Variants in NAALADL2 observed in about 807,000 individuals in gnomAD.
The protein encoded by NAALADL2 is inactive N-acetylated-alpha-linked acidic dipeptidase-like protein 2.
In NAALADL2, 76 loss-of-function variants were observed where a neutral mutation model predicts 87.2. The ratio of observed to expected loss-of-function variants is 0.87; its 90% CI spans 0.72 to 1.05. NAALADL2 has a LOEUF of 1.05. Among genes scored for constraint, NAALADL2 ranks in the 50% least tolerant of loss-of-function variants. The pLI, the probability that NAALADL2 is intolerant of heterozygous loss-of-function variation, is 0.00. For missense variants in NAALADL2, 1,089 were observed against 945.8 expected, an observed-to-expected ratio of 1.15 and a Z score of -1.99; for synonymous variants, 354 against 331.0, an observed-to-expected ratio of 1.07 and a Z score of -0.75.
At chr3:175,308,501 G>A (rs754665258) in intron 4 of NAALADL2, among the ~76,000 whole-genome samples, 2 of 152,140 alleles carry the variant, frequency 1.3e-5, no homozygotes, top group African/African-American at 2.4e-5. Flanking sequence ...AATAATACTC[G>A]GAACTAGAAA....
At chr3:175,310,997 T>C (rs1581365052) in intron 4 of NAALADL2, among the ~76,000 whole-genome samples, 1 of 151,722 alleles carries the variant, frequency 6.6e-6, no homozygotes, top group Admixed American at 6.6e-5. Context: ...TTTGTATGTT[T>C]CCCCCGCAAT....
Position 175,149,150 on chromosome 3 carries a change from T to C in NAALADL2, c.545+51859T>C, listed in dbSNP as rs368669486. Among the ~76,000 whole-genome samples the C allele has an allele frequency of 6.8e-4, 104 of 152,310 alleles. 1 individual carries two copies. The highest frequency in any genetic ancestry group is 8.4e-4 in the African/African-American group (35 of 41,582). Reference sequence around the variant, plus strand: ...TTTCAGCAGTGTTTTGTAGTTCTCATTGCAGACATATTTCACCTCCTTGGT... The same window carrying C: ...TTTCAGCAGTGTTTTGTAGTTCTCACTGCAGACATATTTCACCTCCTTGGT... On this transcript the variant is annotated intron_variant, in intron 2 of 13. Coordinates refer to ENST00000454872, the MANE Select transcript of NAALADL2 (RefSeq NM_207015.3).
At chr3:175,504,267 T>G (rs1729958417) in intron 9 of NAALADL2, among the ~76,000 whole-genome samples, 1 of 152,192 alleles carries the variant, frequency 6.6e-6, no homozygotes. Flanking sequence ...AGAGGGCACT[T>G]CAGAGTTGAT....
upstream of NAALADL2, among the ~76,000 whole-genome samples, chr3:174,854,835 C>CTTTTTTTTTTTT (rs68116968): frequency 3.6e-5 from 4 of 111,992 alleles, no homozygotes; most frequent in Non-Finnish European, 5.2e-5. Context: ...GCTTTTTTTT[C>CTTTTTTTTTTTT]TTTTTTTTTT....
At chr3:175,178,144 T>C (rs1017760799) in intron 2 of NAALADL2, among the ~76,000 whole-genome samples, 3 of 152,044 alleles carry the variant, frequency 2.0e-5, no homozygotes, top group South Asian at 4.1e-4. Context: ...TATGTCATAA[T>C]GGGTTATTAG....
intron 2 of NAALADL2, among the ~76,000 whole-genome samples, chr3:175,191,759 G>T (rs1444299649): frequency 1.3e-5 from 2 of 152,124 alleles, no homozygotes; most frequent in Non-Finnish European, 2.9e-5. Flanking sequence ...AACGTTTTGT[G>T]TAACAAATAT....
At chr3:174,660,643 T>C (rs1725417352) in intron 2 of NAALADL2, among the ~76,000 whole-genome samples, 1 of 151,148 alleles carries the variant, frequency 6.6e-6, no homozygotes, top group Non-Finnish European at 1.5e-5. Context: ...ATTGGACTTA[T>C]TCTTTATGCC....
chr3:175,590,211 AATATAT>A (rs66991809), intron 10 of NAALADL2, among the ~76,000 whole-genome samples: 18 of 5,922 alleles, frequency 3.0e-3, no homozygotes, highest in Admixed American at 7.1e-3. Context: ...GACTCCGTCT[AATATAT>A]ATATATATAT....
At chr3:175,073,984 A>T (rs1188448383) in intron 1 of NAALADL2, among the ~76,000 whole-genome samples, 1 of 152,030 alleles carries the variant, frequency 6.6e-6, no homozygotes, top group Non-Finnish European at 1.5e-5. Flanking sequence ...CACACTGTAT[A>T]CATGAAACTT....
rs1725475502 is a variant in NAALADL2 at position 175,617,266 on chromosome 3, G to A, written c.1801-10025G>A. 2.6e-5 allele frequency among the ~76,000 whole-genome samples: 4 copies of A among 152,120 alleles called. No individual in the cohort carries two copies. In the South Asian group the frequency reaches 8.3e-4, roughly 31 times the overall value. On this transcript the variant is annotated intron_variant, in intron 10 of 13. Transcript: ENST00000454872. ...GGAGGAAGTCCACCTTCCTTCCTTC[G>A]ACCTCCAGAATCACCTGGGACTCCT...
intron 2 of NAALADL2, among the ~76,000 whole-genome samples, chr3:174,679,075 T>G (rs954809600): frequency 5.3e-5 from 8 of 152,198 alleles, no homozygotes; most frequent in Non-Finnish European, 1.2e-4. Context: ...CCCAAACCTT[T>G]GCACTGGTAT....
At chr3:174,608,624 A>G (rs1053659578) in intron 2 of NAALADL2, among the ~76,000 whole-genome samples, 4 of 152,292 alleles carry the variant, frequency 2.6e-5, no homozygotes, top group Admixed American at 2.6e-4. Flanking sequence ...AAGAAGTTGA[A>G]TCCCTGAATA....
chr3:174,893,316 C>T (rs968500636), intron 1 of NAALADL2, among the ~76,000 whole-genome samples: 3 of 142,908 alleles, frequency 2.1e-5, no homozygotes, highest in Non-Finnish European at 4.6e-5. Context: ...TTCAACCCCC[C>T]CCCGCAAAAA....
chr3:175,049,759 A>G (rs556719464), intron 1 of NAALADL2, among the ~76,000 whole-genome samples: 2 of 152,318 alleles, frequency 1.3e-5, no homozygotes, highest in East Asian at 1.9e-4. Flanking sequence ...CATAGCTGCA[A>G]GAGAGTCAGA....
intron 10 of NAALADL2, among the ~76,000 whole-genome samples, chr3:175,617,377 G>C (rs1479751960): frequency 6.6e-6 from 1 of 152,120 alleles, no homozygotes; most frequent in Non-Finnish European, 1.5e-5. Flanking sequence ...TGAAAGACTG[G>C]CTCTGGACCC....
chr3:175,016,586 G>C (rs1461994106), intron 1 of NAALADL2, among the ~76,000 whole-genome samples: 3 of 151,422 alleles, frequency 2.0e-5, no homozygotes, highest in African/African-American at 7.3e-5. Context: ...TTTAATTTGT[G>C]TATATACATA....
chr3:174,807,177 C>T (rs548584854), intron 3 of NAALADL2, among the ~76,000 whole-genome samples: 5 of 152,174 alleles, frequency 3.3e-5, no homozygotes, highest in African/African-American at 1.2e-4. Context: ...AATTGAATAA[C>T]AGTCTCTTAC....
At chr3:175,043,010 C>T (rs1420483850) in intron 1 of NAALADL2, among the ~76,000 whole-genome samples, 1 of 152,114 alleles carries the variant, frequency 6.6e-6, no homozygotes, top group Non-Finnish European at 1.5e-5. Context: ...CACTGGCTAT[C>T]CCTTTGCCTT....
chr3:174,454,079 C>T (rs1261989369), intron 1 of NAALADL2, among the ~76,000 whole-genome samples: 1 of 151,990 alleles, frequency 6.6e-6, no homozygotes, highest in Non-Finnish European at 1.5e-5. Context: ...AAATGAAAAC[C>T]AGAAAGGAGA....
Sources: gnomAD v4.1 joint callset for allele counts (sites outside exome capture counted in the v4.1 genomes callset) on GRCh38, gnomAD v4.1.1 for gene constraint, MANE v1.5 for transcripts, NCBI Gene and HGNC (gene_info 2026-07-23, HGNC 2026-07-21) for gene names.